PAGE3: variants seen among roughly 807,000 people sequenced by gnomAD.
The protein encoded by PAGE3 is PAGE family member 3.
In PAGE3, 9 loss-of-function variants were observed where a neutral mutation model predicts 3.8. That is an observed-to-expected ratio of 2.36 (90% CI 1.42 to 4.12). The LOEUF is 4.12. Among genes scored for constraint, PAGE3 ranks in the 30% most tolerant of loss-of-function variants. The probability of loss-of-function intolerance (pLI) is 0.00; values close to 1 mark genes in which losing one functional copy is unlikely to be tolerated. For missense variants in PAGE3, 73 were observed against 37.8 expected (o/e 1.93, Z -2.44); for synonymous variants, 24 against 13.1 (o/e 1.83, Z -1.79).
At chrX:55,261,211 G>A (rs1938282129) in intron 3 of PAGE3, among the ~76,000 whole-genome samples, 1 of 111,568 alleles carries the variant, frequency 9.0e-6, no homozygotes, top group Non-Finnish European at 1.9e-5. Context: ...AAATAGGATT[G>A]ACAACTATAT....
intron 4 of PAGE3, among the ~76,000 whole-genome samples, chrX:55,259,938 A>T (rs967499158): frequency 9.0e-6 from 1 of 111,599 alleles, no homozygotes; most frequent in Non-Finnish European, 1.9e-5. Flanking sequence ...AAAGCAGTAG[A>T]CTAATGCAAG....
intron 3 of PAGE3, 109 bp from the exon 4 acceptor site, chrX:55,260,768 T>C (rs1938276777): frequency 2.6e-6 from 1 of 379,599 alleles, no homozygotes. Flanking sequence ...TATAGGCTAG[T>C]GTGGTAATAC....
At chrX:55,263,539 A>G (rs1399109906) in intron 2 of PAGE3, among the ~76,000 whole-genome samples, 180 bp from the exon 3 acceptor site, 2 of 111,890 alleles carry the variant, frequency 1.8e-5, no homozygotes, top group Admixed American at 1.9e-4. Flanking sequence ...GTTACCCTTA[A>G]AAACTTGGGA....
intron 3 of PAGE3, among the ~76,000 whole-genome samples, chrX:55,261,352 A>T (rs186653183): frequency 9.0e-6 from 1 of 111,585 alleles, no homozygotes; most frequent in Non-Finnish European, 1.9e-5. Context: ...TTTAATAAAC[A>T]TACAGGGGTT....
intron 3 of PAGE3, among the ~76,000 whole-genome samples, chrX:55,262,526 T>C (rs917404143): frequency 5.5e-5 from 6 of 109,975 alleles, no homozygotes; most frequent in African/African-American, 2.0e-4. Flanking sequence ...ATCATTCACT[T>C]TTTCTTACAG....
Position 55,262,757 on chromosome X carries a change from A to G in PAGE3, c.193+494T>C, listed in dbSNP as rs924531968. On this transcript the variant is annotated intron_variant, in intron 3 of 4. Transcript: ENST00000374951. ...ATGTAATATATATATCACATACCAT[A>G]TATAGATTTATATCTCGATGCAAGC... 1.1e-4 allele frequency among the ~76,000 whole-genome samples: 11 copies of G among 103,775 alleles called. No homozygotes were observed. In the East Asian group the frequency reaches 3.2e-3, roughly 30 times the overall value. 90.1% of individuals were successfully genotyped at this position (103,775 alleles called of 115,157 possible). A position where few individuals can be genotyped will look rare whatever the true frequency, so the allele number is the denominator to read the frequency against.
In PAGE3 at chrX:55,260,647, G is replaced by T. The variant is rs767749041; in HGVS notation, c.206C>A (p.Ala69Glu). ...GALDFQVLGLAAYLWELTRSK... is the reference protein window; with the variant it reads ...GALDFQVLGLEAYLWELTRSK... ...CCGAGTCAGTTCCCAGAGATAGGCT[G>T]CCAGGCCTAGCACTTAAAAATAAAA... Residue 69 changes from alanine to glutamate, a missense_variant, in exon 4 of 5, where the codon GCA (alanine) becomes GAA (glutamate). Physicochemically the swap from Ala to Glu is moderately radical, Grantham distance 107. Transcript: ENST00000374951. 1.6e-5 allele frequency: 9 copies of T among 551,541 alleles called. No individual in the cohort carries two copies. Among genetic ancestry groups the T allele is most frequent in the Non-Finnish European group, 3.0e-5 (9 of 301,672 alleles). 45.5% of individuals were successfully genotyped at this position (551,541 alleles called of 1,213,427 possible).
chrX:55,263,491 C>A, intron 2 of PAGE3, 132 bp from the exon 3 acceptor site: 1 of 421,297 alleles, frequency 2.4e-6, no homozygotes, highest in Non-Finnish European at 4.1e-6. Context: ...CTACACAATT[C>A]TACATATACT....
Position 55,260,591 on chromosome X carries a change from G to C in PAGE3, c.262C>G (p.Pro88Ala), listed in dbSNP as rs563855489. 1 of 566,282 alleles carries C rather than the reference G, an allele frequency of 1.8e-6. No homozygotes were observed. The highest frequency in any genetic ancestry group is 3.1e-4 in the Middle Eastern group (1 of 3,221). 46.7% of individuals were successfully genotyped at this position (566,282 alleles called of 1,213,427 possible). A position where few individuals can be genotyped will look rare whatever the true frequency, so the allele number is the denominator to read the frequency against. The change falls in exon 4 of 5, where the codon CCT becomes GCT. Residue 88 changes from proline (P) to alanine (A), a missense_variant. Pro to Ala is a conservative substitution (Grantham distance 27, BLOSUM62 -1). Transcript: ENST00000374951. ...GGCAGAAATTCTCCCTTGACATTAG[G>C]ACCATCTCCACGTTCACCCCCAGTC... ...SKTGGERGDG[P>A]NVKGEFLPNL...
rs1214170406 is a variant in PAGE3 at position 55,263,318 on chromosome X, T to G, written c.126A>C (p.Glu42Asp). 3.5e-6 allele frequency: 2 copies of G among 570,378 alleles called. No individual in the cohort carries two copies. The highest frequency in any genetic ancestry group is 4.4e-5 in the Admixed American group (2 of 45,100). The allele number at this position is 570,378 out of a possible 1,213,427, so 47.0% of individuals were successfully genotyped here. A position where few individuals can be genotyped will look rare whatever the true frequency, so the allele number is the denominator to read the frequency against. Residue 42 changes from glutamate (E) to aspartate (D), a missense_variant, in exon 3 of 5, where the codon GAA becomes GAC. Physicochemically the swap from Glu to Asp is conservative, Grantham distance 45. Coordinates refer to ENST00000374951, the MANE Select transcript of PAGE3 (RefSeq NM_001017931.3). ...TATAATCCTGACTTTCAATTGGTGG[T>G]TCCTCTTGTTGAAGCTGGTCATTAC... ...LPSNDQLQQE[E>D]PPIESQDYTP...
chrX:55,260,683 A>C (rs923337886), intron 3 of PAGE3, 24 bp from the exon 4 acceptor site: 5 of 511,515 alleles, frequency 9.8e-6, no homozygotes, highest in African/African-American at 7.2e-5. Context: ...AACATTACCA[A>C]TTTAAGTTGT....
chrX:55,263,802 A>G lies in PAGE3; in HGVS notation c.84+18T>C, dbSNP rs1172251400. The G allele has an allele frequency of 1.8e-6, 1 of 553,511 alleles. No individual in the cohort carries two copies. The highest frequency in any genetic ancestry group is 3.3e-5 in the East Asian group (1 of 30,578). 45.6% of individuals were successfully genotyped at this position (553,511 alleles called of 1,213,427 possible). A position where few individuals can be genotyped will look rare whatever the true frequency, so the allele number is the denominator to read the frequency against. On this transcript the variant is annotated intron_variant, in intron 2 of 4. Coordinates refer to ENST00000374951, the MANE Select transcript of PAGE3 (RefSeq NM_001017931.3). Reference sequence around the variant, plus strand: ...AAATAAGTTTCTAATAGAAAATATCAAATGTTAAAATACTCACAACCACAG... The same window carrying G: ...AAATAAGTTTCTAATAGAAAATATCGAATGTTAAAATACTCACAACCACAG...
In PAGE3 at chrX:55,260,536, G is replaced by T. The variant is rs758824961; in HGVS notation, c.317C>A (p.Ala106Glu). The T allele has an allele frequency of 2.7e-5, 15 of 562,895 alleles. No individual in the cohort carries two copies. The East Asian group carries it at 4.6e-4, about 17-fold the overall frequency. The allele number at this position is 562,895 out of a possible 1,213,427, so 46.4% of individuals were successfully genotyped here. A position where few individuals can be genotyped will look rare whatever the true frequency, so the allele number is the denominator to read the frequency against. Reference sequence around the variant, plus strand: ...TGCATTTTTAATGAATAACTTACCTGCTTCTGGTATTTTAACAGGCTCCAG... The same window carrying T: ...TGCATTTTTAATGAATAACTTACCTTCTTCTGGTATTTTAACAGGCTCCAG... ...PNLEPVKIPE[A>E]GEGQPSV The change falls in exon 4 of 5, where the codon GCA (alanine) becomes GAA (glutamate). Residue 106 changes from alanine (A) to glutamate (E), a missense_variant and splice_region_variant. Physicochemically the swap from Ala to Glu is moderately radical, Grantham distance 107 (BLOSUM62 -1). Coordinates refer to ENST00000374951, the MANE Select transcript of PAGE3 (RefSeq NM_001017931.3).
intron 4 of PAGE3, 103 bp downstream of exon 4, chrX:55,260,431 T>G (rs998991847): frequency 4.9e-6 from 2 of 409,815 alleles, no homozygotes; most frequent in Non-Finnish European, 8.6e-6. Context: ...ATATATGAAC[T>G]CTGTTAAATT....
intron 4 of PAGE3, among the ~76,000 whole-genome samples, chrX:55,259,700 T>C (rs1938252142): frequency 1.8e-5 from 2 of 111,172 alleles, no homozygotes; most frequent in Non-Finnish European, 3.8e-5. Flanking sequence ...TAAAGACTTA[T>C]ACCTGTCTTT....
At chrX:55,262,165 T>C (rs181227842) in intron 3 of PAGE3, among the ~76,000 whole-genome samples, 10 of 111,925 alleles carry the variant, frequency 8.9e-5, no homozygotes, top group Non-Finnish European at 1.5e-4. Context: ...AATCTATGGC[T>C]TGAGCTATGT....
chrX:55,262,276 C>T (rs1467580253), intron 3 of PAGE3, among the ~76,000 whole-genome samples: 2 of 111,510 alleles, frequency 1.8e-5, no homozygotes, highest in African/African-American at 6.5e-5. Flanking sequence ...GAGGATTTAA[C>T]CACCTTTTAA....
chrX:55,263,448 C>T, intron 2 of PAGE3, 89 bp from the exon 3 acceptor site: 1 of 448,146 alleles, frequency 2.2e-6, no homozygotes, highest in East Asian at 3.9e-5. Flanking sequence ...ACAAATATAT[C>T]TTACCATAAA....
rs1221328812 is a variant in PAGE3, at chrX:55,264,828, T to C, written c.-291A>G. Reference sequence around the variant, plus strand: ...TGCGGACCTACCAGCTGAGTCCCAGTCAGTGAGAAAGAATGAAGAGGACAG... The same window carrying C: ...TGCGGACCTACCAGCTGAGTCCCAGCCAGTGAGAAAGAATGAAGAGGACAG... On this transcript the variant is annotated 5_prime_UTR_variant, in exon 1 of 5. Coordinates refer to ENST00000374951, the MANE Select transcript of PAGE3 (RefSeq NM_001017931.3). 2 of 110,833 alleles carry C rather than the reference T, an allele frequency of 1.8e-5. No individual in the cohort carries two copies. Among genetic ancestry groups the C allele is most frequent in the Non-Finnish European group, 3.8e-5 (2 of 52,896 alleles). 9.1% of individuals were successfully genotyped at this position (110,833 alleles called of 1,213,427 possible).
Sources: allele counts gnomAD v4.1 joint callset (sites outside exome capture counted in the v4.1 genomes callset), GRCh38; gene constraint gnomAD v4.1.1; transcripts MANE v1.5; gene names NCBI Gene and HGNC (gene_info 2026-07-23, HGNC 2026-07-21).